Variants in MARCHF1 observed in about 807,000 individuals in gnomAD.
MARCHF1 encodes E3 ubiquitin-protein ligase MARCHF1.
A neutral mutation model predicts 54.2 loss-of-function variants in MARCHF1; 40 were observed. The observed-to-expected ratio is 0.74, with a 90% CI of 0.57 to 0.96. The LOEUF (loss-of-function observed/expected upper bound fraction) is 0.96. MARCHF1 is among the 40% of genes least tolerant of loss of function. The pLI is 0.00. For synonymous variants in MARCHF1, 236 were observed against 236.3 expected (o/e 1.00, Z 0.01); for missense variants, 586 against 656.5 (o/e 0.89, Z 1.17).
chr4:163,794,464 C>A (rs1747855722), intron 4 of MARCHF1, among the ~76,000 whole-genome samples: 1 of 152,122 alleles, frequency 6.6e-6, no homozygotes, highest in African/African-American at 2.4e-5. Context: ...AAGTATAACA[C>A]AAACTTATTA....
At chr4:163,606,057 T>A (rs184069619) in intron 7 of MARCHF1, among the ~76,000 whole-genome samples, 8 of 151,974 alleles carry the variant, frequency 5.3e-5, no homozygotes, top group Non-Finnish European at 1.0e-4. Context: ...AAGTATAATT[T>A]AAAAAAATGA....
At chr4:163,901,051 G>T (rs1189370136) in intron 3 of MARCHF1, among the ~76,000 whole-genome samples, 1 of 152,102 alleles carries the variant, frequency 6.6e-6, no homozygotes, top group Admixed American at 6.5e-5. Flanking sequence ...ATGCACATTG[G>T]TGAGAACCAT....
chr4:163,604,449 T>A (rs544952831), intron 7 of MARCHF1, among the ~76,000 whole-genome samples: 1 of 152,268 alleles, frequency 6.6e-6, no homozygotes, highest in Non-Finnish European at 1.5e-5. Context: ...CAAACATTTT[T>A]AAAAATTCAT....
chr4:164,001,881 GA>G (rs1424804681), intron 2 of MARCHF1, among the ~76,000 whole-genome samples: 1 of 151,570 alleles, frequency 6.6e-6, no homozygotes, highest in Non-Finnish European at 1.5e-5. Context: ...CACAAATAAG[GA>G]AAAAAATAAC....
chr4:164,079,514 CTTAT>C (rs989251716), intron 2 of MARCHF1, among the ~76,000 whole-genome samples: 2 of 152,030 alleles, frequency 1.3e-5, no homozygotes, highest in Non-Finnish European at 2.9e-5. Context: ...AACATCTCTT[CTTAT>C]TTAATAGAGT....
chr4:163,885,899 C>T (rs183635463), intron 3 of MARCHF1, among the ~76,000 whole-genome samples: 16 of 148,968 alleles, frequency 1.1e-4, no homozygotes, highest in Admixed American at 8.1e-4. Context: ...AAATGAGACC[C>T]GTCTCTAATA....
At chr4:163,983,131 G>A (rs1198830174) in intron 3 of MARCHF1, among the ~76,000 whole-genome samples, 4 of 152,190 alleles carry the variant, frequency 2.6e-5, no homozygotes, top group Non-Finnish European at 5.9e-5. Context: ...TATCCTGCCT[G>A]AGACAAATAT....
intron 4 of MARCHF1, among the ~76,000 whole-genome samples, chr4:163,734,283 T>G (rs1745967532): frequency 1.3e-5 from 2 of 152,138 alleles, no homozygotes; most frequent in African/African-American, 4.8e-5. Context: ...CTTAAAAAGT[T>G]AAAGGTACAT....
chr4:163,750,631 T>C (rs144146065), intron 4 of MARCHF1, among the ~76,000 whole-genome samples: 2,362 of 152,252 alleles, frequency 0.016, 158 homozygotes, highest in Admixed American at 0.12. Context: ...GGGCAAATAA[T>C]TTCAAGCACA....
chr4:163,759,034 A>T (rs1746757126), intron 4 of MARCHF1, among the ~76,000 whole-genome samples: 1 of 152,110 alleles, frequency 6.6e-6, no homozygotes, highest in Non-Finnish European at 1.5e-5. Flanking sequence ...GCATCAAAGT[A>T]ATAAGTTTTA....
At chr4:163,728,340 A>G (rs919121249) in intron 4 of MARCHF1, among the ~76,000 whole-genome samples, 1 of 152,218 alleles carries the variant, frequency 6.6e-6, no homozygotes, top group Non-Finnish European at 1.5e-5. Flanking sequence ...TATCCAAAAA[A>G]TAACTTTCTG....
intron 4 of MARCHF1, among the ~76,000 whole-genome samples, chr4:163,791,301 A>T (rs563804249): frequency 4.9e-4 from 75 of 152,150 alleles, no homozygotes; most frequent in Non-Finnish European, 8.8e-4. Context: ...GGTTTTCATC[A>T]TAATATGCCC....
chr4:163,822,269 G>T (rs1195953978), intron 4 of MARCHF1, among the ~76,000 whole-genome samples: 1 of 151,648 alleles, frequency 6.6e-6, no homozygotes, highest in Non-Finnish European at 1.5e-5. Context: ...AACTCTAAAA[G>T]CTACCTGCTC....
intron 2 of MARCHF1, among the ~76,000 whole-genome samples, chr4:163,998,586 T>C (rs936502158): frequency 2.6e-5 from 4 of 151,772 alleles, no homozygotes; most frequent in Admixed American, 2.0e-4. Context: ...GTGTACAAAA[T>C]AGATATCTTC....
intron 3 of MARCHF1, among the ~76,000 whole-genome samples, chr4:163,858,396 T>A (rs1749828722): frequency 6.6e-6 from 1 of 152,148 alleles, no homozygotes; most frequent in South Asian, 2.1e-4. Context: ...GCCCATTCCA[T>A]ATCTTATCTA....
chr4:163,738,044 G>T (rs9683694), intron 4 of MARCHF1, among the ~76,000 whole-genome samples: 46,425 of 151,842 alleles, frequency 0.31, 8,848 homozygotes, highest in Non-Finnish European at 0.44. Context: ...GATGTTGGAT[G>T]CGTTGAAGAG....
At chr4:164,147,559 A>G (rs1729787272) in intron 1 of MARCHF1, among the ~76,000 whole-genome samples, 1 of 135,586 alleles carries the variant, frequency 7.4e-6, no homozygotes, top group Non-Finnish European at 1.6e-5. Flanking sequence ...CATTCTCAGT[A>G]AACTATCACA....
intron 5 of MARCHF1, among the ~76,000 whole-genome samples, chr4:163,664,955 C>T (rs759512765): frequency 2.6e-5 from 4 of 151,562 alleles, no homozygotes; most frequent in African/African-American, 7.3e-5. Flanking sequence ...CATAATGAAC[C>T]CAGATTAGAT....
chr4:163,632,960 C>G (rs2111000224), intron 5 of MARCHF1, among the ~76,000 whole-genome samples: 1 of 151,084 alleles, frequency 6.6e-6, no homozygotes, highest in East Asian at 2.0e-4. Context: ...AGCAGCCTAA[C>G]TAGGAGGCGC....
Sources: allele counts gnomAD v4.1 joint callset (sites outside exome capture counted in the v4.1 genomes callset), GRCh38; gene constraint gnomAD v4.1.1; transcripts MANE v1.5; gene names NCBI Gene and HGNC (gene_info 2026-07-23, HGNC 2026-07-21).